CCAR1: variants seen among roughly 807,000 people sequenced by gnomAD.
The protein encoded by CCAR1 is cell division cycle and apoptosis regulator 1.
A neutral mutation model predicts 163.8 loss-of-function variants in CCAR1; 78 were observed. The ratio of observed to expected loss-of-function variants is 0.48; its 90% CI spans 0.40 to 0.57. CCAR1 has a LOEUF of 0.57. CCAR1 is among the 20% of genes least tolerant of loss of function. CCAR1 has a pLI of 0.00. For synonymous variants in CCAR1, 443 were observed against 460.7 expected (o/e 0.96, Z 0.49); for missense variants, 1,019 against 1,365.2 (o/e 0.75, Z 4.00).
chr10:68,775,497 C>CTTTT (rs58856212), intron 19 of CCAR1, among the ~76,000 whole-genome samples: 3 of 117,986 alleles, frequency 2.5e-5, no homozygotes, highest in East Asian at 2.4e-4. Flanking sequence ...GCCTCATTTT[C>CTTTT]TTTTTTTTTT....
At chr10:68,763,832 T>C (rs1009951488) in intron 16 of CCAR1, among the ~76,000 whole-genome samples, 1 of 152,206 alleles carries the variant, frequency 6.6e-6, no homozygotes, top group African/African-American at 2.4e-5. Flanking sequence ...TGACATACCT[T>C]CATCACTTTT....
chr10:68,723,900 T>G (rs1351830187), intron 2 of CCAR1, among the ~76,000 whole-genome samples: 2 of 151,554 alleles, frequency 1.3e-5, no homozygotes, highest in Non-Finnish European at 2.9e-5. Context: ...GGCTTGTGCC[T>G]GTAATCCCAG....
At chr10:68,763,472 G>A (rs1396888051) in intron 16 of CCAR1, among the ~76,000 whole-genome samples, 1 of 151,718 alleles carries the variant, frequency 6.6e-6, no homozygotes, top group Non-Finnish European at 1.5e-5. Flanking sequence ...TTTTGAGACG[G>A]AGTCTCTCTC....
At chr10:68,752,131 G>A (rs916766263) in intron 10 of CCAR1, among the ~76,000 whole-genome samples, 2 of 151,594 alleles carry the variant, frequency 1.3e-5, no homozygotes, top group Non-Finnish European at 2.9e-5. Context: ...TGTTAGCCAG[G>A]ATGGTCTCCA....
chr10:68,736,999 C>G lies in CCAR1; in HGVS notation c.197C>G (p.Thr66Ser). The G allele has an allele frequency of 1.2e-6, 2 of 1,613,698 alleles. No individual in the cohort carries two copies. The highest frequency in any genetic ancestry group is 8.5e-7 in the Non-Finnish European group (1 of 1,179,692). Residue 66 changes from threonine (T) to serine (S), a missense_variant, in exon 3 of 25, where the codon ACT (threonine) becomes AGT (serine). By Grantham distance (58) the Thr-to-Ser change is moderately conservative. Coordinates refer to ENST00000265872, the MANE Select transcript of CCAR1 (RefSeq NM_018237.4). ...CCAGCAAACTATCAGTTAACACAAACTGCTGCATTGCAGCAACAAGCCGCA... is the reference window on the plus strand; with the variant it reads ...CCAGCAAACTATCAGTTAACACAAAGTGCTGCATTGCAGCAACAAGCCGCA... ...QTPANYQLTQ[T>S]AALQQQAAAA...
At chr10:68,740,184 G>T (rs984000870) in intron 4 of CCAR1, among the ~76,000 whole-genome samples, 2 of 152,134 alleles carry the variant, frequency 1.3e-5, no homozygotes, top group Non-Finnish European at 2.9e-5. Flanking sequence ...TTAGAGATTT[G>T]TGGGGTTTTA....
Position 68,788,219 on chromosome 10 carries a change from G to A in CCAR1, c.3078G>A (p.Val1026=). The A allele has an allele frequency of 6.2e-7, 1 of 1,604,606 alleles. No individual in the cohort carries two copies. The highest frequency in any genetic ancestry group is 8.5e-7 in the Non-Finnish European group (1 of 1,176,276). ...TGGAAGAAAATGTTGGCCTCATTGTGTACAATGGTGCAATGGTAGATGTAG... is the reference window on the plus strand; with the variant it reads ...TGGAAGAAAATGTTGGCCTCATTGTATACAATGGTGCAATGGTAGATGTAG... ...KDVEENVGLI[V]YNGAMVDVGS... Residue 1026 remains valine (V), a synonymous_variant, in exon 23 of 25, where the codon GTG becomes GTA. Coordinates refer to ENST00000265872, the MANE Select transcript of CCAR1 (RefSeq NM_018237.4).
chr10:68,755,160 T>C (rs750135507), intron 12 of CCAR1: 9 of 737,314 alleles, frequency 1.2e-5, no homozygotes, highest in Non-Finnish European at 2.2e-5. Flanking sequence ...TGAAGAAATA[T>C]TTTAAAAGGA....
Position 68,725,315 on chromosome 10 carries a change from T to C in CCAR1, c.73+2738T>C, listed in dbSNP as rs77773086. Among the ~76,000 whole-genome samples, 397 of 152,022 alleles carry C rather than the reference T, an allele frequency of 2.6e-3. 3 individuals are homozygous for C. Among genetic ancestry groups the C allele is most frequent in the African/African-American group, 8.9e-3 (369 of 41,478 alleles). Reference sequence around the variant, plus strand: ...CTCCTCTCTACTAAAAATACAAAAATTAGACGGGCGTGGCAGAGGTTGCAG... The same window carrying C: ...CTCCTCTCTACTAAAAATACAAAAACTAGACGGGCGTGGCAGAGGTTGCAG... On this transcript the variant is annotated intron_variant, in intron 2 of 24. Transcript: ENST00000265872.
At chr10:68,786,055 G>C in intron 19 of CCAR1, 81 bp from the exon 20 acceptor site, 1 of 896,664 alleles carries the variant, frequency 1.1e-6, no homozygotes, top group Non-Finnish European at 1.8e-6. Flanking sequence ...GAGTAGCTGG[G>C]ATAACAGTCA....
chr10:68,721,445 C>A (rs950144975), intron 1 of CCAR1, 163 bp downstream of exon 1: 4 of 311,956 alleles, frequency 1.3e-5, no homozygotes, highest in South Asian at 9.0e-5. Flanking sequence ...GGGACGCGGT[C>A]CCTTTTGTGC....
In CCAR1 at chr10:68,722,589, A is replaced by C. The variant is rs202095685; in HGVS notation, c.73+12A>C. ...AGTATCACAGCCAGGTCAGGCTTCT[A>C]AATACATGTACTGTAATTGTTTGTG... is the stretch of plus-strand genomic sequence containing the variant. On this transcript the variant is annotated intron_variant, in intron 2 of 24. Coordinates refer to ENST00000265872, the MANE Select transcript of CCAR1 (RefSeq NM_018237.4). 191 of 1,594,472 alleles carry C rather than the reference A, an allele frequency of 1.2e-4. No homozygotes were observed. Among genetic ancestry groups the C allele is most frequent in the Middle Eastern group, 1.7e-4 (1 of 6,044 alleles).
chr10:68,744,182 G>A (rs2056222475), intron 6 of CCAR1, among the ~76,000 whole-genome samples: 1 of 152,192 alleles, frequency 6.6e-6, no homozygotes, highest in Non-Finnish European at 1.5e-5. Context: ...ACTGCGCCTA[G>A]CCAGTTTAGC....
intron 2 of CCAR1, among the ~76,000 whole-genome samples, chr10:68,735,145 C>T (rs995308357): frequency 6.6e-6 from 1 of 152,022 alleles, no homozygotes; most frequent in Non-Finnish European, 1.5e-5. Context: ...CCTAGGAGTT[C>T]GAGACCAGCC....
intron 19 of CCAR1, among the ~76,000 whole-genome samples, chr10:68,773,686 T>C (rs940968564): frequency 1.3e-5 from 2 of 151,702 alleles, no homozygotes; most frequent in Non-Finnish European, 2.9e-5. Flanking sequence ...AAATGTATAA[T>C]AGTCCTTGAT....
rs748463374 is a variant in CCAR1, at chr10:68,747,264, C to T, written c.622C>T (p.Leu208=). 55 of 1,603,004 alleles carry T rather than the reference C, an allele frequency of 3.4e-5. No homozygotes were observed. In the East Asian group the frequency reaches 1.2e-3, roughly 35 times the overall value. Residue 208 remains leucine, a synonymous_variant, in exon 7 of 25, where the codon CTA becomes TTA. Transcript: ENST00000265872. The stretch of plus-strand genomic sequence containing the variant: ...ATGGAATGCACAGAGAATTCAAACA[C>T]TACCAAATCAGGTACAGAAAGTATT... ...FKWNAQRIQT[L]PNQNQSQTQP...
chr10:68,771,972 G>A (rs1375504805), intron 18 of CCAR1, among the ~76,000 whole-genome samples: 1 of 151,816 alleles, frequency 6.6e-6, no homozygotes, highest in Admixed American at 6.6e-5. Context: ...CCAGGTTCAA[G>A]CAGTTCTCCT....
At chr10:68,766,563 A>C (rs10998421) in intron 17 of CCAR1, among the ~76,000 whole-genome samples, 1,725 of 142,978 alleles carry the variant, frequency 0.012, 39 homozygotes, top group African/African-American at 0.042. Context: ...GTTCACTCTT[A>C]TTGTCCAGGC....
chr10:68,755,988 A>G (rs1281183988), intron 13 of CCAR1, among the ~76,000 whole-genome samples: 1 of 152,200 alleles, frequency 6.6e-6, no homozygotes, highest in Non-Finnish European at 1.5e-5. Flanking sequence ...TTTTTAGCAC[A>G]TGAAATCTGA....
Sources: allele counts gnomAD v4.1 joint callset (sites outside exome capture counted in the v4.1 genomes callset), GRCh38; gene constraint gnomAD v4.1.1; transcripts MANE v1.5; gene names NCBI Gene and HGNC (gene_info 2026-07-23, HGNC 2026-07-21).